The following SKIC3 variants were observed in gnomAD, a reference collection of about 807,000 sequenced individuals.
The protein encoded by SKIC3 is superkiller complex protein 3.
chr5:95,463,954 C>G, the SKIC3 span: 7 of 152,138 alleles, frequency 4.6e-5, no homozygotes, highest in African/African-American at 1.7e-4. Context: ...GAAGGAATTG[C>G]ATGATCAATT....
At chr5:95,541,918 A>C in the SKIC3 span, 1 of 1,548,836 alleles carries the variant, frequency 6.5e-7, no homozygotes, top group Non-Finnish European at 8.9e-7. Flanking sequence ...TAAAAGAAGA[A>C]GTACTCATGA....
the SKIC3 span, chr5:95,516,435 TA>T: frequency 6.2e-7 from 1 of 1,612,900 alleles, no homozygotes; most frequent in Non-Finnish European, 8.5e-7. Flanking sequence ...TTTTTTTTCT[TA>T]AAATAGGCCC....
chr5:95,497,589 T>A, the SKIC3 span: 1 of 855,558 alleles, frequency 1.2e-6, no homozygotes, highest in Non-Finnish European at 1.9e-6. Context: ...TCTTAATATC[T>A]AAAACAAGTT....
chr5:95,499,898 T>C, the SKIC3 span, among the ~76,000 whole-genome samples: 1 of 152,276 alleles, frequency 6.6e-6, no homozygotes, highest in East Asian at 1.9e-4. Flanking sequence ...GGAAAATTCA[T>C]TAATGTTTAG....
At chr5:95,498,147 T>A in the SKIC3 span, among the ~76,000 whole-genome samples, 1 of 151,974 alleles carries the variant, frequency 6.6e-6, no homozygotes, top group Non-Finnish European at 1.5e-5. Flanking sequence ...GGCCTTAACC[T>A]GACTAAGGGC....
chr5:95,516,631 C>A, the SKIC3 span: 1 of 1,613,102 alleles, frequency 6.2e-7, no homozygotes, highest in Non-Finnish European at 8.5e-7. Context: ...GTTTGAAATA[C>A]ACAATCTTCT....
chr5:95,488,037 G>A, the SKIC3 span, among the ~76,000 whole-genome samples: 1 of 151,890 alleles, frequency 6.6e-6, no homozygotes, highest in South Asian at 2.1e-4. Flanking sequence ...TTCATTGAAT[G>A]AAATACAAAA....
chr5:95,548,283 T>C, the SKIC3 span, among the ~76,000 whole-genome samples: 1 of 152,004 alleles, frequency 6.6e-6, no homozygotes, highest in Non-Finnish European at 1.5e-5. Flanking sequence ...ATCACTGACA[T>C]GGTACACTGA....
chr5:95,531,950 G>T, the SKIC3 span, among the ~76,000 whole-genome samples: 73 of 152,068 alleles, frequency 4.8e-4, no homozygotes, highest in Non-Finnish European at 8.2e-4. Flanking sequence ...ATTCAAAAAG[G>T]CTTAGTCTGT....
chr5:95,502,092 C>A, the SKIC3 span, among the ~76,000 whole-genome samples: 1 of 152,092 alleles, frequency 6.6e-6, no homozygotes, highest in Non-Finnish European at 1.5e-5. Context: ...TCAACCAGTA[C>A]CATCTAACCA....
chr5:95,499,482 T>C, the SKIC3 span, among the ~76,000 whole-genome samples: 1 of 152,160 alleles, frequency 6.6e-6, no homozygotes, highest in African/African-American at 2.4e-5. Flanking sequence ...CAATTTAACC[T>C]CTTTTCTCTG....
At chr5:95,537,205 G>C in the SKIC3 span, 6 of 1,382,436 alleles carry the variant, frequency 4.3e-6, no homozygotes, top group Middle Eastern at 2.0e-4. Context: ...AAATGTATAA[G>C]ACTCTCTTAC....
chr5:95,473,176 C>A, the SKIC3 span, among the ~76,000 whole-genome samples: 1 of 152,212 alleles, frequency 6.6e-6, no homozygotes, highest in Non-Finnish European at 1.5e-5. Context: ...TATCTACAAA[C>A]TGCTTTCCAC....
the SKIC3 span, chr5:95,498,571 G>C: frequency 6.2e-7 from 1 of 1,613,904 alleles, no homozygotes; most frequent in African/African-American, 1.3e-5. Flanking sequence ...GCTTTCTGTG[G>C]TTGGTTCCTT....
the SKIC3 span, among the ~76,000 whole-genome samples, chr5:95,538,750 T>A: frequency 6.6e-6 from 1 of 152,142 alleles, no homozygotes; most frequent in Admixed American, 6.5e-5. Context: ...AAAGACTTTT[T>A]TTCTAGGTGA....
chr5:95,518,954 A>T, the SKIC3 span, among the ~76,000 whole-genome samples: 1 of 151,942 alleles, frequency 6.6e-6, no homozygotes, highest in Non-Finnish European at 1.5e-5. Context: ...TCTTCTCCAC[A>T]TCCTTGCCAG....
chr5:95,467,848 A>G, the SKIC3 span: 55 of 1,613,222 alleles, frequency 3.4e-5, no homozygotes, highest in Non-Finnish European at 4.5e-5. Flanking sequence ...AACATTTTAA[A>G]TAAAATCAAT....
At chr5:95,525,028 C>A in the SKIC3 span, among the ~76,000 whole-genome samples, 1 of 152,068 alleles carries the variant, frequency 6.6e-6, no homozygotes, top group Admixed American at 6.5e-5. Flanking sequence ...GGACTACAGG[C>A]ATGTGCCACC....
At chr5:95,464,493 T>C in the SKIC3 span, 1 of 836,340 alleles carries the variant, frequency 1.2e-6, no homozygotes, top group Non-Finnish European at 1.9e-6. Context: ...TCTAGATTCC[T>C]TTAGAAAAGG....
Sources: gnomAD v4.1 joint callset for allele counts (sites outside exome capture counted in the v4.1 genomes callset) on GRCh38, gnomAD v4.1.1 for gene constraint, MANE v1.5 for transcripts, NCBI Gene and HGNC (gene_info 2026-07-23, HGNC 2026-07-21) for gene names.